The following NDUFA12 variants were observed in gnomAD, a reference collection of about 807,000 sequenced individuals.
The protein encoded by NDUFA12 is NADH dehydrogenase [ubiquinone] 1 alpha subcomplex subunit 12.
In NDUFA12, 17 loss-of-function variants were observed where a neutral mutation model predicts 20.3. That is an observed-to-expected ratio of 0.84 (90% CI 0.57 to 1.26). The LOEUF is 1.26. Ranked by LOEUF, NDUFA12 falls within the 50% of genes most tolerant of loss-of-function variation. The pLI, the probability that NDUFA12 is intolerant of heterozygous loss-of-function variation, is 0.00. For synonymous variants in NDUFA12, 72 were observed against 63.6 expected, an observed-to-expected ratio of 1.13 and a Z score of -0.63; for missense variants, 191 against 183.7, an observed-to-expected ratio of 1.04 and a Z score of -0.23.
chr12:94,996,832 A>AAAAG (rs1301006871), intron 2 of NDUFA12: 1 of 208,530 alleles, frequency 4.8e-6, no homozygotes, highest in African/African-American at 2.4e-5. Context: ...AAAAAAAAAA[A>AAAAG]AAATTAAAGA....
intron 3 of NDUFA12, among the ~76,000 whole-genome samples, chr12:94,974,970 T>C (rs1433708753): frequency 6.6e-6 from 1 of 152,140 alleles, no homozygotes; most frequent in East Asian, 1.9e-4. Context: ...GTGACTATAG[T>C]CTATAATAAC....
chr12:94,992,677 T>A (rs1874682221), intron 3 of NDUFA12, among the ~76,000 whole-genome samples: 1 of 152,222 alleles, frequency 6.6e-6, no homozygotes, highest in Non-Finnish European at 1.5e-5. Flanking sequence ...AGCACTTGCC[T>A]GTGTCAGCCC....
chr12:94,989,819 C>T (rs540092616), intron 3 of NDUFA12, among the ~76,000 whole-genome samples: 18 of 152,308 alleles, frequency 1.2e-4, no homozygotes, highest in African/African-American at 3.4e-4. Flanking sequence ...ATTAATCGCA[C>T]ATAATTGAAA....
In NDUFA12 at chr12:94,991,061, A is replaced by G. The variant is rs550070712; in HGVS notation, c.257+3109T>C. Reference sequence around the variant, plus strand: ...TATTTTGGGAGGCAGAGGTTGGCGAATCATTTGAGTCCAGGAGTTTGAGAC... The same window carrying G: ...TATTTTGGGAGGCAGAGGTTGGCGAGTCATTTGAGTCCAGGAGTTTGAGAC... On this transcript the variant is annotated intron_variant, in intron 3 of 3. Transcript: ENST00000327772. 3.3e-5 allele frequency among the ~76,000 whole-genome samples: 5 copies of G among 152,262 alleles called. No individual in the cohort carries two copies. In the East Asian group the frequency reaches 9.7e-4, roughly 29 times the overall value.
intron 1 of NDUFA12, 107 bp from the exon 2 acceptor site, chr12:95,002,928 C>T (rs909091837): frequency 1.1e-6 from 1 of 913,864 alleles, no homozygotes; most frequent in Non-Finnish European, 1.8e-6. Context: ...GCTGCTGCAT[C>T]AACTAGCAAA....
rs142007365 is a variant in NDUFA12, at chr12:94,975,828, C to T, written c.258-4208G>A. Among the ~76,000 whole-genome samples the T allele has an allele frequency of 2.6e-4, 39 of 152,124 alleles. No homozygotes were observed. The East Asian group carries it at 4.2e-3, about 17-fold the overall frequency. On this transcript the variant is annotated intron_variant, in intron 3 of 3. Coordinates refer to ENST00000327772, the MANE Select transcript of NDUFA12 (RefSeq NM_018838.5). ...CTTCTGGAGGCCAAGGTGGGAGGAT[C>T]GCTTGAGGCCATGAGTTCGAGACCA... is the stretch of plus-strand genomic sequence containing the variant.
Position 94,971,597 on chromosome 12 carries a change from G to T in NDUFA12, c.281C>A (p.Thr94Asn), listed in dbSNP as rs138525905. 46 of 1,614,138 alleles carry T rather than the reference G, an allele frequency of 2.8e-5. No individual in the cohort carries two copies. Among genetic ancestry groups the T allele is most frequent in the African/African-American group, 2.1e-4 (16 of 75,040 alleles). Residue 94 changes from threonine (T) to asparagine (N), a missense_variant, in exon 4 of 4, where the codon ACT becomes AAT. Physicochemically the swap from Thr to Asn is moderately conservative, Grantham distance 65. Coordinates refer to ENST00000327772, the MANE Select transcript of NDUFA12 (RefSeq NM_018838.5). ...TGGTTTTGTTGTTGGAGGATCATCA[G>T]TCATACTGTGAAGCCAACGATGCCT... ...PEWHRWLHSMTDDPPTTKPLT... is the reference protein window; with the variant it reads ...PEWHRWLHSMNDDPPTTKPLT...
chr12:94,994,422 C>G (rs1478389615), intron 2 of NDUFA12, 165 bp from the exon 3 acceptor site: 3 of 593,144 alleles, frequency 5.1e-6, no homozygotes, highest in Non-Finnish European at 8.9e-6. Flanking sequence ...AAGGTAAGCT[C>G]CAGGAGGTGT....
chr12:94,973,901 T>TA lies in NDUFA12; in HGVS notation c.258-2282dup, dbSNP rs200134632. Among the ~76,000 whole-genome samples the TA allele has an allele frequency of 4.6e-3, 689 of 148,932 alleles. 6 individuals carry two copies. The highest frequency in any genetic ancestry group is 0.043 in the Middle Eastern group (12 of 278). The stretch of plus-strand genomic sequence containing the variant: ...TGTTATTTTATTATTAAATAAGGGG[T>TA]AAAAAAAAATCATATCTTTCAGATT... On this transcript the variant is annotated intron_variant, in intron 3 of 3. Coordinates refer to ENST00000327772, the MANE Select transcript of NDUFA12 (RefSeq NM_018838.5).
At chr12:94,972,966 G>C (rs1042403534) in intron 3 of NDUFA12, among the ~76,000 whole-genome samples, 1 of 151,832 alleles carries the variant, frequency 6.6e-6, no homozygotes, top group African/African-American at 2.4e-5. Context: ...TCACAAGACA[G>C]AGATGACCTT....
At position 95,003,458 on chromosome 12, in the gene NDUFA12, C is replaced by A. The variant is rs1875136957; in HGVS notation, c.86+137G>T. On this transcript the variant is annotated intron_variant, in intron 1 of 3. Coordinates refer to ENST00000327772, the MANE Select transcript of NDUFA12 (RefSeq NM_018838.5). ...GGGACAGAGACCAGCCTGGGGGTGG[C>A]AAGGCAGAGATTGGGGCGGTTGTCC... is the stretch of plus-strand genomic sequence containing the variant. 3.1e-5 allele frequency: 28 copies of A among 914,896 alleles called. No homozygotes were observed. The Middle Eastern group carries it at 1.3e-3, about 41-fold the overall frequency. The allele number at this position is 914,896 out of a possible 1,614,324, so 56.7% of individuals were successfully genotyped here. A position where few individuals can be genotyped will look rare whatever the true frequency, so the allele number is the denominator to read the frequency against.
At chr12:94,987,071 A>C (rs144635276) in intron 3 of NDUFA12, among the ~76,000 whole-genome samples, 5 of 152,298 alleles carry the variant, frequency 3.3e-5, no homozygotes, top group African/African-American at 1.2e-4. Context: ...GTAACTTTAG[A>C]ATGGAGAAAA....
chr12:94,983,981 G>A (rs1874326041), intron 3 of NDUFA12, among the ~76,000 whole-genome samples: 2 of 152,090 alleles, frequency 1.3e-5, no homozygotes, highest in South Asian at 4.1e-4. Flanking sequence ...TCCACACAAG[G>A]AGAAGGGAGG....
chr12:94,975,411 A>G (rs1313263146), intron 3 of NDUFA12, among the ~76,000 whole-genome samples: 3 of 152,248 alleles, frequency 2.0e-5, no homozygotes, highest in African/African-American at 7.2e-5. Context: ...TTTACTTGCT[A>G]AATTAGCAAA....
chr12:94,986,902 T>C (rs1223337499), intron 3 of NDUFA12, among the ~76,000 whole-genome samples: 18 of 152,024 alleles, frequency 1.2e-4, no homozygotes, highest in Admixed American at 1.2e-3. Context: ...ATTTGAACAA[T>C]AAAAGAACCA....
At chr12:94,974,116 C>A (rs1038051700) in intron 3 of NDUFA12, among the ~76,000 whole-genome samples, 12 of 151,736 alleles carry the variant, frequency 7.9e-5, no homozygotes, top group Admixed American at 2.6e-4. Context: ...GGATTACAGG[C>A]GCATGCCATC....
At chr12:94,988,825 C>T (rs12299025) in intron 3 of NDUFA12, among the ~76,000 whole-genome samples, 49,481 of 152,038 alleles carry the variant, frequency 0.33, 8,417 homozygotes, top group East Asian at 0.42. Context: ...TGCACCCAGG[C>T]GCTCATTAAA....
At chr12:94,991,230 T>C (rs1231237427) in intron 3 of NDUFA12, among the ~76,000 whole-genome samples, 2 of 151,802 alleles carry the variant, frequency 1.3e-5, no homozygotes, top group African/African-American at 4.8e-5. Flanking sequence ...AGACTGATTG[T>C]GCCATTGCTC....
At chr12:94,980,403 T>C (rs1874198728) in intron 3 of NDUFA12, among the ~76,000 whole-genome samples, 1 of 152,168 alleles carries the variant, frequency 6.6e-6, no homozygotes, top group Admixed American at 6.5e-5. Context: ...CGCCTCCATG[T>C]AATGGCCCTC....
Sources: gnomAD v4.1 joint callset for allele counts (sites outside exome capture counted in the v4.1 genomes callset) on GRCh38, gnomAD v4.1.1 for gene constraint, MANE v1.5 for transcripts, NCBI Gene and HGNC (gene_info 2026-07-23, HGNC 2026-07-21) for gene names.